INTS6: variants seen among roughly 807,000 people sequenced by gnomAD.
INTS6 encodes the protein integrator complex subunit 6, also known as DEAD box protein.
A neutral mutation model predicts 104.9 loss-of-function variants in INTS6; 16 were observed. That is an observed-to-expected ratio of 0.15 (90% CI 0.10 to 0.23). The LOEUF (loss-of-function observed/expected upper bound fraction) is 0.23, where lower values mean the gene tolerates loss of function less well. Among genes scored for constraint, INTS6 ranks in the 10% least tolerant of loss-of-function variants. INTS6 has a pLI of 1.00. For missense variants in INTS6, 584 were observed against 1,062.8 expected, an observed-to-expected ratio of 0.55 and a Z score of 6.26; for synonymous variants, 324 against 358.7, an observed-to-expected ratio of 0.90 and a Z score of 1.09.
At chr13:51,413,793 C>T (rs1411737221) in intron 4 of INTS6, among the ~76,000 whole-genome samples, 1 of 152,168 alleles carries the variant, frequency 6.6e-6, no homozygotes, top group East Asian at 1.9e-4. Context: ...CGTCCTAATA[C>T]ATGGAACCTG....
intron 12 of INTS6, among the ~76,000 whole-genome samples, chr13:51,377,973 G>A (rs1955966824): frequency 6.6e-6 from 1 of 152,044 alleles, no homozygotes; most frequent in Admixed American, 6.6e-5. Context: ...ATCCACTACT[G>A]CAACTTAAAG....
At chr13:51,407,092 A>T (rs1242009753) in intron 4 of INTS6, among the ~76,000 whole-genome samples, 2 of 151,548 alleles carry the variant, frequency 1.3e-5, no homozygotes, top group Non-Finnish European at 2.9e-5. Flanking sequence ...AAAAAAAAAA[A>T]GCCTTTGTAC....
intron 10 of INTS6, among the ~76,000 whole-genome samples, chr13:51,380,298 G>A (rs779286769): frequency 3.3e-5 from 5 of 152,044 alleles, no homozygotes; most frequent in Non-Finnish European, 7.4e-5. Flanking sequence ...TACTTTATAC[G>A]ATGAAAAATA....
the INTS6 span, among the ~76,000 whole-genome samples, chr13:51,343,438 T>C: frequency 3.3e-5 from 5 of 152,172 alleles, no homozygotes; most frequent in African/African-American, 1.2e-4. Flanking sequence ...AAGCTGCAGC[T>C]TGTGAATAAT....
chr13:51,364,256 G>A lies in INTS6; in HGVS notation c.*1496C>T. 5.4e-6 allele frequency: 8 copies of A among 1,473,232 alleles called. No homozygotes were observed. Among genetic ancestry groups the A allele is most frequent in the East Asian group, 2.5e-5 (1 of 40,226 alleles). The allele number at this position is 1,473,232 out of a possible 1,614,324, so 91.3% of individuals were successfully genotyped here. A position where few individuals can be genotyped will look rare whatever the true frequency, so the allele number is the denominator to read the frequency against. The stretch of plus-strand genomic sequence containing the variant: ...CTTGACAGGGTTTGTCTTCAGTATT[G>A]GGAGAGTTTCAAATCCCCTAGACTA... On this transcript the variant is annotated 3_prime_UTR_variant, in exon 18 of 18. Transcript: ENST00000311234.
At chr13:51,412,079 C>A (rs903672017) in intron 4 of INTS6, among the ~76,000 whole-genome samples, 3 of 152,010 alleles carry the variant, frequency 2.0e-5, no homozygotes, top group Admixed American at 1.3e-4. Flanking sequence ...TTTTTTGTGT[C>A]CACTGTATAA....
At chr13:51,445,668 A>C (rs1035455201) in intron 3 of INTS6, 12 of 152,268 alleles carry the variant, frequency 7.9e-5, no homozygotes, top group African/African-American at 2.9e-4. Context: ...GGCGAGGCCA[A>C]GATTGGGATT....
chr13:51,348,153 C>T, the INTS6 span: 1 of 1,331,070 alleles, frequency 7.5e-7, no homozygotes, highest in Non-Finnish European at 1.0e-6. Context: ...CAGGGTCCGA[C>T]ACTGGTTCAT....
At chr13:51,345,089 TGTTTA>T in the INTS6 span, among the ~76,000 whole-genome samples, 4 of 152,072 alleles carry the variant, frequency 2.6e-5, no homozygotes, top group African/African-American at 9.7e-5. Flanking sequence ...GTTTACTGAG[TGTTTA>T]GTTTATTTAG....
At chr13:51,344,564 G>T in the INTS6 span, 4 of 1,186,332 alleles carry the variant, frequency 3.4e-6, no homozygotes, top group Non-Finnish European at 4.9e-6. Context: ...CTTGTCAGAG[G>T]CCATGGTGCT....
At chr13:51,430,409 T>C (rs766071987) in intron 3 of INTS6, 26 bp from the exon 4 acceptor site, 16 of 1,562,498 alleles carry the variant, frequency 1.0e-5, no homozygotes, top group Middle Eastern at 1.7e-4. Flanking sequence ...ACATTGATCA[T>C]ACAAAGATTT....
At position 51,369,220 on chromosome 13, in the gene INTS6, A is replaced by G. The variant is rs760136703; in HGVS notation, c.2195T>C (p.Met732Thr). Reference sequence around the variant, plus strand: ...AGAAGATGCTGAAAATTCCGTATCCATAGCATTTGGTGTAATGTCTGATGA... The same window carrying G: ...AGAAGATGCTGAAAATTCCGTATCCGTAGCATTTGGTGTAATGTCTGATGA... Reference protein sequence around the residue: ...QLSSDITPNAMDTEFSASSPA... With the variant: ...QLSSDITPNATDTEFSASSPA... Residue 732 changes from methionine to threonine, a missense_variant, in exon 16 of 18, where the codon ATG becomes ACG. Around this residue, in one of 5 missense-constraint regions of INTS6, gnomAD observed 296 missense variants for 437.0 expected, o/e 0.68. Coordinates refer to ENST00000311234, the MANE Select transcript of INTS6 (RefSeq NM_012141.3). 13 of 1,613,854 alleles carry G rather than the reference A, an allele frequency of 8.1e-6. No homozygotes were observed. The highest frequency in any genetic ancestry group is 1.1e-5 in the Non-Finnish European group (13 of 1,179,832).
chr13:51,375,978 A>G, intron 13 of INTS6, 70 bp downstream of exon 13: 1 of 1,292,536 alleles, frequency 7.7e-7, no homozygotes, highest in Non-Finnish European at 1.1e-6. Context: ...AATTTACATC[A>G]CCATGCTATG....
At chr13:51,423,404 G>A (rs1441419860) in intron 4 of INTS6, among the ~76,000 whole-genome samples, 1 of 151,934 alleles carries the variant, frequency 6.6e-6, no homozygotes, top group African/African-American at 2.4e-5. Flanking sequence ...GGCTTAGTAA[G>A]GATACCAGAA....
the INTS6 span, among the ~76,000 whole-genome samples, chr13:51,345,496 G>A: frequency 6.6e-6 from 1 of 150,534 alleles, no homozygotes; most frequent in East Asian, 2.0e-4. Flanking sequence ...CGGGGAGGCT[G>A]AGGCAGGAGA....
At chr13:51,434,088 C>A (rs569634315) in intron 3 of INTS6, among the ~76,000 whole-genome samples, 2 of 152,280 alleles carry the variant, frequency 1.3e-5, no homozygotes, top group South Asian at 4.1e-4. Context: ...TCCATACTAA[C>A]CTGGATTGTG....
intron 3 of INTS6, chr13:51,442,899 C>T (rs1450875477): frequency 6.6e-6 from 1 of 152,162 alleles, no homozygotes; most frequent in Non-Finnish European, 1.5e-5. Flanking sequence ...TTCTGCCAAA[C>T]AAAGGGAGGA....
the INTS6 span, among the ~76,000 whole-genome samples, chr13:51,336,326 A>G: frequency 6.6e-6 from 1 of 152,096 alleles, no homozygotes; most frequent in East Asian, 1.9e-4. Context: ...CATCTCTACT[A>G]AAAATACAAA....
At chr13:51,361,296 T>C (rs759010304), downstream of INTS6, 3 of 1,609,476 alleles carry the variant, frequency 1.9e-6, no homozygotes, top group South Asian at 2.2e-5. Context: ...GGCTTTTATG[T>C]TTCTGAAGCA....
Sources: allele counts gnomAD v4.1 joint callset (sites outside exome capture counted in the v4.1 genomes callset), GRCh38; gene constraint gnomAD v4.1.1; regional missense constraint gnomAD v4.1.1; transcripts MANE v1.5; gene names NCBI Gene and HGNC (gene_info 2026-07-23, HGNC 2026-07-21).